The following CYB5R4 variants were observed in gnomAD, a reference collection of about 807,000 sequenced individuals.
The protein encoded by CYB5R4 is N-terminal cytochrome b5 and cytochrome b5 oxidoreductase domain-containing protein.
A neutral mutation model predicts 70.2 loss-of-function variants in CYB5R4; 55 were observed. That is an observed-to-expected ratio of 0.78 (90% CI 0.63 to 0.98). The LOEUF is 0.98. CYB5R4 is among the 50% of genes least tolerant of loss of function. CYB5R4 has a pLI of 0.00. For missense variants in CYB5R4, 562 were observed against 612.6 expected, an observed-to-expected ratio of 0.92 and a Z score of 0.87; for synonymous variants, 197 against 199.5, an observed-to-expected ratio of 0.99 and a Z score of 0.11.
chr6:83,882,171 G>A (rs1198370403), intron 2 of CYB5R4, among the ~76,000 whole-genome samples: 1 of 152,174 alleles, frequency 6.6e-6, no homozygotes, highest in Admixed American at 6.5e-5. Flanking sequence ...CACTGTGTGA[G>A]TTTCCCATTT....
chr6:83,916,393 A>G (rs916433492), intron 5 of CYB5R4, among the ~76,000 whole-genome samples: 3 of 152,190 alleles, frequency 2.0e-5, no homozygotes, highest in Admixed American at 6.5e-5. Context: ...TTTTATTTAT[A>G]TACTTAAGAG....
chr6:83,913,231 A>G (rs1226944456), intron 4 of CYB5R4, among the ~76,000 whole-genome samples: 1 of 152,228 alleles, frequency 6.6e-6, no homozygotes, highest in African/African-American at 2.4e-5. Context: ...GATCCTTTGC[A>G]AACTGTAATG....
chr6:83,922,813 G>T (rs2099466609), intron 9 of CYB5R4, among the ~76,000 whole-genome samples: 1 of 151,408 alleles, frequency 6.6e-6, no homozygotes, highest in African/African-American at 2.4e-5. Context: ...GTGTGAGATG[G>T]GGTCTCACTC....
intron 6 of CYB5R4, among the ~76,000 whole-genome samples, chr6:83,919,174 T>C (rs968354187): frequency 1.3e-5 from 2 of 152,174 alleles, no homozygotes; most frequent in Non-Finnish European, 2.9e-5. Flanking sequence ...TTGTTTTTAC[T>C]CAAGTGGGAA....
chr6:83,873,088 G>C (rs1271325480), intron 2 of CYB5R4, among the ~76,000 whole-genome samples: 2 of 152,080 alleles, frequency 1.3e-5, no homozygotes, highest in Non-Finnish European at 2.9e-5. Context: ...CAGCTCTAAA[G>C]TTAATCATGC....
chr6:83,893,175 G>A (rs1439225328), intron 2 of CYB5R4, among the ~76,000 whole-genome samples: 1 of 152,188 alleles, frequency 6.6e-6, no homozygotes, highest in African/African-American at 2.4e-5. Context: ...GTGTACAGGT[G>A]TTACCTGGCC....
At chr6:83,911,270 A>T (rs912032387) in intron 4 of CYB5R4, among the ~76,000 whole-genome samples, 7 of 151,866 alleles carry the variant, frequency 4.6e-5, no homozygotes, top group South Asian at 2.1e-4. Flanking sequence ...ATATTTAATT[A>T]AAAAAAAGAA....
At chr6:83,886,143 A>T (rs531693787) in intron 2 of CYB5R4, among the ~76,000 whole-genome samples, 1 of 152,172 alleles carries the variant, frequency 6.6e-6, no homozygotes, top group African/African-American at 2.4e-5. Flanking sequence ...AAGAGTCCCA[A>T]TGCAGTATAG....
chr6:83,913,034 AC>A (rs2099464934), intron 4 of CYB5R4, among the ~76,000 whole-genome samples: 3 of 152,208 alleles, frequency 2.0e-5, no homozygotes, highest in African/African-American at 7.2e-5. Context: ...AAATCTGTGA[AC>A]CTCTTAGGTA....
chr6:83,909,812 A>C (rs2129137845), intron 4 of CYB5R4, among the ~76,000 whole-genome samples: 1 of 152,254 alleles, frequency 6.6e-6, no homozygotes, highest in East Asian at 1.9e-4. Context: ...ATGTCTGAAG[A>C]CATTTTTGTT....
chr6:83,884,280 C>T (rs1333896217), intron 2 of CYB5R4, among the ~76,000 whole-genome samples: 3 of 151,592 alleles, frequency 2.0e-5, no homozygotes, highest in African/African-American at 7.3e-5. Context: ...GACCTGACTA[C>T]ATGATGTCTA....
At chr6:83,927,755 G>T (rs1037494912) in intron 10 of CYB5R4, among the ~76,000 whole-genome samples, 1 of 152,066 alleles carries the variant, frequency 6.6e-6, no homozygotes, top group Non-Finnish European at 1.5e-5. Flanking sequence ...GCTTTATTAC[G>T]TAGGTGTGAT....
chr6:83,924,367 C>A, intron 9 of CYB5R4, 103 bp from the exon 10 acceptor site: 1 of 1,142,448 alleles, frequency 8.8e-7, no homozygotes, highest in Non-Finnish European at 1.2e-6. Context: ...CAGTACCATT[C>A]ATATTAGATC....
chr6:83,883,242 T>C (rs1389277643), intron 2 of CYB5R4, among the ~76,000 whole-genome samples: 1 of 151,522 alleles, frequency 6.6e-6, no homozygotes, highest in Non-Finnish European at 1.5e-5. Context: ...TCAGACAAAA[T>C]AAAAATGTTT....
At chr6:83,956,894 T>C (rs2099472504) in intron 15 of CYB5R4, among the ~76,000 whole-genome samples, 1 of 150,004 alleles carries the variant, frequency 6.7e-6, no homozygotes, top group Non-Finnish European at 1.5e-5. Context: ...GATAGGAATT[T>C]GGGCAAGATA....
chr6:83,932,856 A>C (rs1468570467), intron 10 of CYB5R4, among the ~76,000 whole-genome samples: 1 of 152,186 alleles, frequency 6.6e-6, no homozygotes, highest in Non-Finnish European at 1.5e-5. Context: ...GGGGACAGGC[A>C]GTAAGAGTGC....
intron 3 of CYB5R4, among the ~76,000 whole-genome samples, chr6:83,900,885 G>C (rs2099462822): frequency 6.6e-6 from 1 of 152,110 alleles, no homozygotes; most frequent in Non-Finnish European, 1.5e-5. Context: ...TGGGTTTCCT[G>C]AATACAGCAT....
chr6:83,912,508 G>C (rs550643654), intron 4 of CYB5R4, among the ~76,000 whole-genome samples: 13 of 152,258 alleles, frequency 8.5e-5, no homozygotes, highest in Admixed American at 4.6e-4. Context: ...TACCAAGGAA[G>C]AGCTGAGTGC....
intron 15 of CYB5R4, among the ~76,000 whole-genome samples, chr6:83,956,376 G>C (rs1251003165): frequency 6.6e-6 from 1 of 152,148 alleles, no homozygotes; most frequent in Non-Finnish European, 1.5e-5. Flanking sequence ...TGGATTGGGG[G>C]GGGCACGGGT....
Sources: gnomAD v4.1 joint callset for allele counts (sites outside exome capture counted in the v4.1 genomes callset) on GRCh38, gnomAD v4.1.1 for gene constraint, MANE v1.5 for transcripts, NCBI Gene and HGNC (gene_info 2026-07-23, HGNC 2026-07-21) for gene names.